DMD: variants seen among roughly 807,000 people sequenced by gnomAD.
DMD encodes the protein dystrophin.
A neutral mutation model predicts 330.1 loss-of-function variants in DMD; 63 were observed. That is an observed-to-expected ratio of 0.19 (90% confidence interval 0.16 to 0.24). The LOEUF (loss-of-function observed/expected upper bound fraction) is 0.24, where lower values mean the gene tolerates loss of function less well. Among genes scored for constraint, DMD ranks in the 10% least tolerant of loss-of-function variants. DMD has a pLI of 1.00. For missense variants in DMD, 3,344 were observed against 2,684.1 expected, an observed-to-expected ratio of 1.25 and a Z score of -5.43; for synonymous variants, 1,223 against 959.8, an observed-to-expected ratio of 1.27 and a Z score of -5.07.
At chrX:31,289,325 T>A (rs2053509751) in intron 62 of DMD, among the ~76,000 whole-genome samples, 1 of 104,905 alleles carries the variant, frequency 9.5e-6, no homozygotes, top group African/African-American at 3.6e-5. Flanking sequence ...CACTCTGATA[T>A]ACCATTATAA....
chrX:31,222,841 G>A (rs1039168603), intron 64 of DMD, among the ~76,000 whole-genome samples: 12 of 112,225 alleles, frequency 1.1e-4, no homozygotes, highest in African/African-American at 3.9e-4. Context: ...CAGTAGCTGA[G>A]GAATGGTGAC....
intron 7 of DMD, among the ~76,000 whole-genome samples, chrX:32,780,591 C>T (rs2148534447): frequency 9.0e-6 from 1 of 111,590 alleles, no homozygotes; most frequent in East Asian, 2.8e-4. Context: ...CCAGTAAGAT[C>T]AAGGAAAATA....
intron 1 of DMD, among the ~76,000 whole-genome samples, chrX:33,188,195 C>G (rs946982772): frequency 1.8e-5 from 2 of 110,722 alleles, no homozygotes; most frequent in East Asian, 2.9e-4. Context: ...GCTGGTGAAA[C>G]AGCAAAACTG....
intron 1 of DMD, among the ~76,000 whole-genome samples, chrX:33,098,859 T>C (rs1008172444): frequency 9.0e-6 from 1 of 111,463 alleles, no homozygotes; most frequent in African/African-American, 3.3e-5. Context: ...TTTGTCCCGA[T>C]TGGCTAGCAA....
intron 55 of DMD, among the ~76,000 whole-genome samples, chrX:31,508,905 T>C (rs955977587): frequency 9.0e-6 from 1 of 111,458 alleles, no homozygotes; most frequent in African/African-American, 3.3e-5. Context: ...CACAGCCTCT[T>C]AAGATGCAGA....
chrX:31,618,233 G>GAA lies in DMD; in HGVS notation c.8217+9438_8217+9439dup, dbSNP rs59868097. 3.2e-3 allele frequency among the ~76,000 whole-genome samples: 287 copies of GAA among 89,951 alleles called. 1 individual carries two copies. The highest frequency in any genetic ancestry group is 9.5e-3 in the African/African-American group (233 of 24,545). The allele number at this position is 89,951 out of a possible 115,157, so 78.1% of individuals were successfully genotyped here. A position where few individuals can be genotyped will look rare whatever the true frequency, so the allele number is the denominator to read the frequency against. On this transcript the variant is annotated intron_variant, in intron 55 of 78. Transcript: ENST00000357033. ...TGCCCCTAGAGCTTAAAATAAAAGT[G>GAA]AAAAAAAAAAAAAGAAGAAAGAAAG...
chrX:31,661,473 A>G (rs2081123234), intron 53 of DMD, among the ~76,000 whole-genome samples: 2 of 111,019 alleles, frequency 1.8e-5, no homozygotes, highest in Admixed American at 1.9e-4. Flanking sequence ...CATTCACACT[A>G]GGAACCATGA....
intron 43 of DMD, among the ~76,000 whole-genome samples, chrX:32,248,399 A>T (rs774134095): frequency 9.0e-6 from 1 of 111,585 alleles, no homozygotes; most frequent in Admixed American, 9.6e-5. Flanking sequence ...ACTTGTATAA[A>T]CCATCTTATC....
At chrX:31,668,778 C>A (rs1321246234) in intron 53 of DMD, among the ~76,000 whole-genome samples, 1 of 111,678 alleles carries the variant, frequency 9.0e-6, no homozygotes, top group Non-Finnish European at 1.9e-5. Context: ...CCTAAATCCA[C>A]AGCCTCTGGT....
intron 4 of DMD, among the ~76,000 whole-genome samples, chrX:32,830,078 T>C (rs1341524186): frequency 1.8e-5 from 2 of 111,626 alleles, no homozygotes; most frequent in African/African-American, 6.5e-5. Context: ...AGGGAGGTAT[T>C]TGTCATGCCT....
intron 60 of DMD, among the ~76,000 whole-genome samples, chrX:31,405,522 T>C (rs1429171328): frequency 9.0e-6 from 1 of 111,265 alleles, no homozygotes; most frequent in Non-Finnish European, 1.9e-5. Context: ...TCATATGACA[T>C]TTGCCAAACC....
chrX:32,837,507 C>G (rs1233243198), intron 4 of DMD, among the ~76,000 whole-genome samples: 2 of 111,518 alleles, frequency 1.8e-5, no homozygotes, highest in Admixed American at 1.9e-4. Flanking sequence ...GCCCTCTCCC[C>G]TTGACTGCTT....
intron 1 of DMD, among the ~76,000 whole-genome samples, chrX:33,124,501 A>AAAAAAAAAAC (rs2095448404): frequency 9.5e-6 from 1 of 105,576 alleles, no homozygotes; most frequent in African/African-American, 3.5e-5. Context: ...AAAAAAAAAA[A>AAAAAAAAAAC]AAAAAAAAAC....
Position 32,358,802 on chromosome X carries a change from G to A in DMD, c.5325+3986C>T, listed in dbSNP as rs113792672. ...CATCAGTTTTTGTCTCAACCCCCCA[G>A]ATTCGGCCATTCAAGTGTAATATAC... On this transcript the variant is annotated intron_variant, in intron 37 of 78. Coordinates refer to ENST00000357033, the MANE Select transcript of DMD (RefSeq NM_004006.3). Among the ~76,000 whole-genome samples, 1,065 of 111,077 alleles carry A rather than the reference G, an allele frequency of 9.6e-3. 12 individuals are homozygous for A. Among genetic ancestry groups the A allele is most frequent in the African/African-American group, 0.032 (993 of 30,585 alleles).
chrX:31,762,398 G>A (rs1199849337), intron 51 of DMD, among the ~76,000 whole-genome samples: 5 of 110,583 alleles, frequency 4.5e-5, no homozygotes, highest in South Asian at 7.7e-4. Flanking sequence ...GTGAAACCCC[G>A]TCTCTACTAA....
At chrX:33,187,319 T>C (rs1264612170) in intron 1 of DMD, among the ~76,000 whole-genome samples, 1 of 112,529 alleles carries the variant, frequency 8.9e-6, no homozygotes, top group Non-Finnish European at 1.9e-5. Context: ...CATTCAAGGG[T>C]TTATTTTTTG....
intron 59 of DMD, among the ~76,000 whole-genome samples, chrX:31,452,946 C>T (rs950144090): frequency 6.3e-5 from 7 of 111,563 alleles, no homozygotes; most frequent in Non-Finnish European, 3.8e-5. Context: ...ACCATACACC[C>T]GGTAAGGGGT....
intron 47 of DMD, among the ~76,000 whole-genome samples, chrX:31,896,082 G>A (rs2149787610): frequency 8.9e-6 from 1 of 111,819 alleles, no homozygotes; most frequent in Admixed American, 9.5e-5. Flanking sequence ...CTTAGCATCA[G>A]GGTTTAGTAT....
intron 21 of DMD, 142 bp from the exon 22 acceptor site, chrX:32,472,451 T>C (rs2040756846): frequency 1.7e-6 from 1 of 586,857 alleles, no homozygotes. Context: ...ATATTTAATA[T>C]GATTATGAAG....
Sources: gnomAD v4.1 joint callset for allele counts (sites outside exome capture counted in the v4.1 genomes callset) on GRCh38, gnomAD v4.1.1 for gene constraint, MANE v1.5 for transcripts, NCBI Gene and HGNC (gene_info 2026-07-23, HGNC 2026-07-21) for gene names.